The following RNF115 variants were observed in gnomAD, a reference collection of about 807,000 sequenced individuals.
The protein encoded by RNF115 is ring finger protein 115.
Under a neutral mutation model 39.2 loss-of-function variants are expected in RNF115, and 31 were observed. The ratio of observed to expected loss-of-function variants is 0.79; its 90% confidence interval spans 0.59 to 1.07. RNF115 has a LOEUF of 1.07. Ranked by LOEUF, RNF115 falls within the 50% of genes least tolerant of loss-of-function variation. The pLI is 0.00. For missense variants in RNF115, 384 were observed against 381.7 expected (o/e 1.01, Z -0.05); for synonymous variants, 124 against 131.0 (o/e 0.95, Z 0.37).
intron 1 of RNF115, among the ~76,000 whole-genome samples, chr1:145,804,505 ACAC>A (rs1649384235): frequency 1.3e-5 from 1 of 76,036 alleles, no homozygotes; most frequent in Non-Finnish European, 3.7e-5. Context: ...GCATGCACAC[ACAC>A]ACACACACAC....
intron 1 of RNF115, among the ~76,000 whole-genome samples, chr1:145,811,908 AATATAT>A (rs1165510589): frequency 1.8e-5 from 1 of 55,152 alleles, no homozygotes; most frequent in Non-Finnish European, 3.8e-5. Context: ...AAAAAAAAAA[AATATAT>A]ATATATATAT....
chr1:145,792,713 C>G (rs958341780), intron 1 of RNF115, among the ~76,000 whole-genome samples: 1 of 152,070 alleles, frequency 6.6e-6, no homozygotes, highest in Non-Finnish European at 1.5e-5. Flanking sequence ...AGGTCTAGGA[C>G]CATGATGATA....
In RNF115 at chr1:145,740,101, G is replaced by C. The variant is rs1422558720; in HGVS notation, c.*6765C>G. Reference sequence around the variant, plus strand: ...ACCTGTTTTAAATAGTTAGTTCTGTGTTTCTAACTAAATAATAAACTCACA... The same window carrying C: ...ACCTGTTTTAAATAGTTAGTTCTGTCTTTCTAACTAAATAATAAACTCACA... On this transcript the variant is annotated 3_prime_UTR_variant, in exon 9 of 9. Transcript: ENST00000582693. 1 of 152,074 alleles carries C rather than the reference G, an allele frequency of 6.6e-6. No homozygotes were observed. The highest frequency in any genetic ancestry group is 1.5e-5 in the Non-Finnish European group (1 of 68,012). 9.4% of individuals were successfully genotyped at this position (152,074 alleles called of 1,614,324 possible).
At chr1:145,784,749 G>A (rs1648302627) in intron 2 of RNF115, among the ~76,000 whole-genome samples, 153 bp from the exon 3 acceptor site, 3 of 151,988 alleles carry the variant, frequency 2.0e-5, no homozygotes, top group Admixed American at 1.3e-4. Context: ...ATGAATAACT[G>A]GCATGTGAAT....
At chr1:145,762,644 C>CT (rs1553714024) in intron 4 of RNF115, among the ~76,000 whole-genome samples, 3 of 151,480 alleles carry the variant, frequency 2.0e-5, no homozygotes, top group Non-Finnish European at 4.4e-5. Flanking sequence ...ATAAGGCTGT[C>CT]TTTTTATTCC....
intron 1 of RNF115, 40 bp downstream of exon 1, chr1:145,823,732 T>G: frequency 7.1e-7 from 1 of 1,414,756 alleles, no homozygotes. Context: ...GGGCCAGGAA[T>G]CTATGAGGTT....
At position 145,819,668 on chromosome 1, in the gene RNF115, C is replaced by T. The variant is rs187996143; in HGVS notation, c.102+4104G>A. On this transcript the variant is annotated intron_variant, in intron 1 of 8. Transcript: ENST00000582693. ...AAGACACAATGAAAAAAGAAAACTC[C>T]GGGCCAATATCCCTAATGAACACAG... Among the ~76,000 whole-genome samples, 62 of 152,236 alleles carry T rather than the reference C, an allele frequency of 4.1e-4. No homozygotes were observed. The East Asian group carries it at 0.011, about 27-fold the overall frequency.
intron 7 of RNF115, among the ~76,000 whole-genome samples, chr1:145,748,335 C>G (rs1175657589): frequency 6.6e-6 from 1 of 151,990 alleles, no homozygotes; most frequent in Non-Finnish European, 1.5e-5. Context: ...ATGAATGGGG[C>G]CTACTCCAAA....
chr1:145,801,367 G>C (rs1436736402), intron 1 of RNF115, among the ~76,000 whole-genome samples: 1 of 151,808 alleles, frequency 6.6e-6, no homozygotes, highest in Non-Finnish European at 1.5e-5. Flanking sequence ...CCAGGAGTTC[G>C]AGCCTGGCCC....
At chr1:145,805,113 G>A (rs587627795) in intron 1 of RNF115, among the ~76,000 whole-genome samples, 1 of 151,946 alleles carries the variant, frequency 6.6e-6, no homozygotes, top group South Asian at 2.1e-4. Flanking sequence ...TACCCACAGA[G>A]CAATCAGAGC....
intron 1 of RNF115, among the ~76,000 whole-genome samples, chr1:145,817,929 T>G (rs1277372451): frequency 8.0e-6 from 1 of 124,704 alleles, no homozygotes; most frequent in Admixed American, 8.3e-5. Flanking sequence ...ATGATTTCGG[T>G]TTTGTTTTTT....
intron 1 of RNF115, among the ~76,000 whole-genome samples, chr1:145,820,015 G>A (rs1312044566): frequency 6.8e-6 from 1 of 146,174 alleles, no homozygotes; most frequent in Non-Finnish European, 1.5e-5. Context: ...TCCAGCCTGG[G>A]CTAAAGAGCA....
rs1397842025 is a variant in RNF115 at position 145,810,664 on chromosome 1, A to G, written c.102+13108T>C. 4.3e-3 allele frequency among the ~76,000 whole-genome samples: 632 copies of G among 145,850 alleles called. 1 individual carries two copies. The highest frequency in any genetic ancestry group is 0.015 in the African/African-American group (598 of 39,454). ...CCGGGACTTAAAATAAAAGTTGCAG[A>G]AAAAAAAAAAAGTGTTACTGACATT... is the stretch of plus-strand genomic sequence containing the variant. On this transcript the variant is annotated intron_variant, in intron 1 of 8. Coordinates refer to ENST00000582693, the MANE Select transcript of RNF115 (RefSeq NM_014455.4).
chr1:145,795,413 C>T (rs1553719814), intron 1 of RNF115, among the ~76,000 whole-genome samples: 2 of 152,200 alleles, frequency 1.3e-5, no homozygotes, highest in African/African-American at 2.4e-5. Context: ...TATTTGTCCC[C>T]GCCCACGTCC....
chr1:145,794,387 A>G (rs1648836534), intron 1 of RNF115, among the ~76,000 whole-genome samples: 1 of 151,886 alleles, frequency 6.6e-6, no homozygotes, highest in African/African-American at 2.4e-5. Context: ...CCAGCCACAC[A>G]CTGGACTTCT....
intron 3 of RNF115, among the ~76,000 whole-genome samples, chr1:145,780,641 A>AC (rs1174311294): frequency 2.6e-5 from 4 of 151,518 alleles, no homozygotes; most frequent in African/African-American, 9.7e-5. Flanking sequence ...AAAAAAAAAA[A>AC]AGTGAAACTC....
intron 3 of RNF115, among the ~76,000 whole-genome samples, chr1:145,775,991 C>T (rs1483254287): frequency 1.3e-5 from 2 of 150,688 alleles, no homozygotes; most frequent in Non-Finnish European, 2.9e-5. Context: ...GAGCAAGACC[C>T]TGTCTCAAAA....
intron 1 of RNF115, among the ~76,000 whole-genome samples, chr1:145,821,528 G>A (rs1650242706): frequency 1.2e-5 from 1 of 84,446 alleles, no homozygotes; most frequent in Non-Finnish European, 2.8e-5. Context: ...GCAATGGTGC[G>A]ATCTCAGCTC....
At chr1:145,774,830 C>T (rs1045380811) in intron 3 of RNF115, among the ~76,000 whole-genome samples, 1 of 151,900 alleles carries the variant, frequency 6.6e-6, no homozygotes, top group Non-Finnish European at 1.5e-5. Context: ...GCCTTAGTAT[C>T]TTTTTTTTAA....
Sources: gnomAD v4.1 joint callset for allele counts (sites outside exome capture counted in the v4.1 genomes callset) on GRCh38, gnomAD v4.1.1 for gene constraint, MANE v1.5 for transcripts, NCBI Gene and HGNC (gene_info 2026-07-23, HGNC 2026-07-21) for gene names.